Variants in RELCH observed in about 807,000 individuals in gnomAD.
RELCH encodes the protein RAB11-binding protein RELCH.
RELCH carries 41 observed loss-of-function variants against 150.3 expected under a neutral mutation model. That is an observed-to-expected ratio of 0.27 (90% CI 0.21 to 0.35). RELCH has a LOEUF of 0.35. Among genes scored for constraint, RELCH ranks in the 10% least tolerant of loss-of-function variants. RELCH has a pLI of 1.00. For synonymous variants in RELCH, 478 were observed against 531.8 expected, an observed-to-expected ratio of 0.90 and a Z score of 1.39; for missense variants, 1,092 against 1,467.8, an observed-to-expected ratio of 0.74 and a Z score of 4.18.
intron 28 of RELCH, among the ~76,000 whole-genome samples, chr18:62,302,081 T>C (rs1010803173): frequency 6.6e-6 from 1 of 152,162 alleles, no homozygotes; most frequent in African/African-American, 2.4e-5. Context: ...TATGAGAAGA[T>C]GGATTTGAGA....
intron 28 of RELCH, among the ~76,000 whole-genome samples, chr18:62,299,623 C>T (rs900716495): frequency 2.0e-5 from 3 of 152,154 alleles, no homozygotes; most frequent in Non-Finnish European, 2.9e-5. Context: ...AAGCAGTCTT[C>T]TCCATATATA....
chr18:62,281,725 C>G lies in RELCH; in HGVS notation c.3115-581C>G, dbSNP rs182195365. On this transcript the variant is annotated intron_variant, in intron 24 of 28. Coordinates refer to ENST00000644646, the MANE Select transcript of RELCH (RefSeq NM_001346231.2). ...AAACTCCTTTGTCATATAGATTTTT[C>G]ATGACAAAAACTAAAGTTTTGTTAG... is the stretch of plus-strand genomic sequence containing the variant. Among the ~76,000 whole-genome samples the G allele has an allele frequency of 3.3e-5, 5 of 152,234 alleles. No individual in the cohort carries two copies. The East Asian group carries it at 9.6e-4, about 29-fold the overall frequency.
rs538904179 is a variant in RELCH at position 62,302,772 on chromosome 18, G to A, written c.3531-2642G>A. On this transcript the variant is annotated intron_variant, in intron 28 of 28. Transcript: ENST00000644646. Reference sequence around the variant, plus strand: ...ACTCCTGACCTCAAGTGATCTACCCGTCTTGACCTCCCAAAGTGCTGGGAT... The same window carrying A: ...ACTCCTGACCTCAAGTGATCTACCCATCTTGACCTCCCAAAGTGCTGGGAT... Among the ~76,000 whole-genome samples, 52 of 152,202 alleles carry A rather than the reference G, an allele frequency of 3.4e-4. 1 individual carries two copies. The South Asian group carries it at 4.4e-3, about 13-fold the overall frequency.
intron 12 of RELCH, among the ~76,000 whole-genome samples, chr18:62,254,096 A>G (rs1261075615): frequency 6.6e-6 from 1 of 152,016 alleles, no homozygotes; most frequent in African/African-American, 2.4e-5. Context: ...GAATTTTCTT[A>G]TGAATTTTAG....
intron 20 of RELCH, among the ~76,000 whole-genome samples, chr18:62,270,429 C>G (rs1423070360): frequency 1.3e-5 from 2 of 152,096 alleles, no homozygotes; most frequent in Non-Finnish European, 2.9e-5. Flanking sequence ...TGATGTGTCT[C>G]AAAGCATAGT....
rs1046301146 is a variant in RELCH at position 62,261,515 on chromosome 18, G to A, written c.2207G>A (p.Gly736Glu). ...TTCCACCTCCTTATGTTTCAGGAAGGAGAACATGGACTGGATGAACACAAA... is the reference window on the plus strand; with the variant it reads ...TTCCACCTCCTTATGTTTCAGGAAGAAGAACATGGACTGGATGAACACAAA... ...LNKIEKLLRE[G>E]EHGLDEHKLH... Residue 736 changes from glycine (G) to glutamate (E), a missense_variant, in exon 16 of 29, where the codon GGA (glycine) becomes GAA (glutamate). Transcript: ENST00000644646. 3 of 1,609,894 alleles carry A rather than the reference G, an allele frequency of 1.9e-6. No homozygotes were observed. The highest frequency in any genetic ancestry group is 2.5e-6 in the Non-Finnish European group (3 of 1,177,870).
chr18:62,305,526 A>C lies in RELCH; in HGVS notation c.3643A>C (p.Lys1215Gln). Residue 1215 changes from lysine (K) to glutamine (Q), a missense_variant, in exon 29 of 29, where the codon AAG becomes CAG. By Grantham distance (53) the Lys-to-Gln change is moderately conservative. Transcript: ENST00000644646. The surrounding 1 kb of genome is among the most constrained non-coding windows in gnomAD (Gnocchi z 4.0). ...GAMLANVFQR[K>Q]K Reference sequence around the variant, plus strand: ...CATGTTGGCCAATGTATTTCAGAGAAAGAAGTAGAAGCAGGAAAGAAGCCC... The same window carrying C: ...CATGTTGGCCAATGTATTTCAGAGACAGAAGTAGAAGCAGGAAAGAAGCCC... 1 of 1,605,394 alleles carries C rather than the reference A, an allele frequency of 6.2e-7. No individual in the cohort carries two copies. The highest frequency in any genetic ancestry group is 8.5e-7 in the Non-Finnish European group (1 of 1,175,994).
chr18:62,283,156 ATGT>A (rs1038784607), intron 25 of RELCH, among the ~76,000 whole-genome samples: 5 of 152,168 alleles, frequency 3.3e-5, no homozygotes, highest in African/African-American at 1.2e-4. Context: ...GTTTCTAGAC[ATGT>A]TCTTATGAAA....
At chr18:62,191,590 T>C (rs537452374) in intron 1 of RELCH, among the ~76,000 whole-genome samples, 1 of 152,284 alleles carries the variant, frequency 6.6e-6, no homozygotes, top group South Asian at 2.1e-4. Context: ...ACCCACCATG[T>C]CCATGTGTTC....
chr18:62,276,124 C>A (rs1002813048), intron 22 of RELCH, among the ~76,000 whole-genome samples: 4 of 152,064 alleles, frequency 2.6e-5, no homozygotes, highest in Admixed American at 6.6e-5. Flanking sequence ...AGGTGGGGAG[C>A]AGTGAGGTTG....
intron 11 of RELCH, among the ~76,000 whole-genome samples, chr18:62,250,339 C>T (rs368717216): frequency 6.6e-6 from 1 of 152,052 alleles, no homozygotes; most frequent in Admixed American, 6.6e-5. Flanking sequence ...AAGTGTGCAC[C>T]TCTTGTAAGT....
intron 5 of RELCH, among the ~76,000 whole-genome samples, chr18:62,224,123 C>G (rs1369026993): frequency 6.6e-6 from 1 of 152,126 alleles, no homozygotes; most frequent in African/African-American, 2.4e-5. Flanking sequence ...CCCCCAGCCC[C>G]TCATGCCCCA....
chr18:62,267,484 ATG>A (rs36203741), intron 19 of RELCH, among the ~76,000 whole-genome samples: 7,824 of 135,644 alleles, frequency 0.058, 246 homozygotes, highest in Non-Finnish European at 0.069. Context: ...CTAGGTATAT[ATG>A]TGTGTGTGTG....
intron 8 of RELCH, among the ~76,000 whole-genome samples, chr18:62,230,277 A>G (rs1040365906): frequency 2.0e-5 from 3 of 152,038 alleles, no homozygotes; most frequent in Admixed American, 2.0e-4. Context: ...AGCATGGGCA[A>G]TACAGCAAGA....
At chr18:62,274,549 C>G (rs1458430969) in intron 21 of RELCH, among the ~76,000 whole-genome samples, 1 of 152,148 alleles carries the variant, frequency 6.6e-6, no homozygotes, top group Admixed American at 6.5e-5. Flanking sequence ...ATAATACCAC[C>G]TTTCATTTGC....
intron 22 of RELCH, among the ~76,000 whole-genome samples, chr18:62,277,140 A>G (rs1568422033): frequency 1.3e-5 from 2 of 152,042 alleles, no homozygotes. Context: ...AATAGAATGA[A>G]TCCTCCCTTT....
At chr18:62,280,276 G>A in intron 23 of RELCH, 1 of 1,094,898 alleles carries the variant, frequency 9.1e-7, no homozygotes, top group Non-Finnish European at 1.4e-6. Context: ...CAATGAGTCT[G>A]CCTGCCCATC....
chr18:62,299,324 T>C (rs1242449555), intron 28 of RELCH, among the ~76,000 whole-genome samples: 2 of 152,190 alleles, frequency 1.3e-5, no homozygotes, highest in African/African-American at 2.4e-5. Context: ...AATATAAGCA[T>C]AGACGTGAAA....
chr18:62,219,993 A>G (rs2040747030), intron 2 of RELCH, among the ~76,000 whole-genome samples: 1 of 152,042 alleles, frequency 6.6e-6, no homozygotes, highest in Non-Finnish European at 1.5e-5. Flanking sequence ...TAATTTCTTA[A>G]TATTCATTTG....
Sources: allele counts gnomAD v4.1 joint callset (sites outside exome capture counted in the v4.1 genomes callset), GRCh38; gene constraint gnomAD v4.1.1; non-coding constraint Gnocchi (gnomAD v3.1); transcripts MANE v1.5; gene names NCBI Gene and HGNC (gene_info 2026-07-23, HGNC 2026-07-21).